Variants in CTDSP2 observed in about 807,000 individuals in gnomAD.
CTDSP2 encodes the protein CTD small phosphatase 2, also known as carboxy-terminal domain RNA polymerase II polypeptide A small phosphatase 2.
In CTDSP2, 9 loss-of-function variants were observed where a neutral mutation model predicts 31.6. That is an observed-to-expected ratio of 0.28 (90% CI 0.17 to 0.50). CTDSP2 has a LOEUF of 0.50. Among genes scored for constraint, CTDSP2 ranks in the 20% least tolerant of loss-of-function variants. CTDSP2 has a pLI of 0.98. For missense variants in CTDSP2, 267 were observed against 348.5 expected (o/e 0.77, Z 1.86); for synonymous variants, 134 against 134.5 (o/e 1.00, Z 0.03).
Position 57,823,738 on chromosome 12 carries a change from G to T in CTDSP2, c.691-11C>A. 3.1e-6 allele frequency: 5 copies of T among 1,613,678 alleles called. No individual in the cohort carries two copies. Among genetic ancestry groups the T allele is most frequent in the Non-Finnish European group, 4.2e-6 (5 of 1,179,982 alleles). On this transcript the variant is annotated splice_polypyrimidine_tract_variant and intron_variant, in intron 7 of 7. Transcript: ENST00000398073. Reference sequence around the variant, plus strand: ...GGACTGCACAGGCACCTGGTGGGGGGAAGATGTGGTGTCAATCTCCCGACT... The same window carrying T: ...GGACTGCACAGGCACCTGGTGGGGGTAAGATGTGGTGTCAATCTCCCGACT...
intron 1 of CTDSP2, among the ~76,000 whole-genome samples, chr12:57,844,558 C>T (rs1016370008): frequency 6.6e-6 from 1 of 151,890 alleles, no homozygotes; most frequent in Admixed American, 6.6e-5. Context: ...CTCTTGAATC[C>T]CCCCACATCT....
chr12:57,830,884 G>A (rs1411048839), intron 1 of CTDSP2, among the ~76,000 whole-genome samples: 1 of 151,778 alleles, frequency 6.6e-6, no homozygotes, highest in Non-Finnish European at 1.5e-5. Flanking sequence ...GAGTAGCTGG[G>A]GTTACAGCCA....
intron 1 of CTDSP2, among the ~76,000 whole-genome samples, chr12:57,845,776 G>C (rs1449096132): frequency 6.6e-6 from 1 of 152,052 alleles, no homozygotes; most frequent in African/African-American, 2.4e-5. Context: ...GCGCTGAGCC[G>C]GGAACCCGCC....
chr12:57,824,828 C>T (rs1956172999), intron 5 of CTDSP2: 2 of 370,076 alleles, frequency 5.4e-6, no homozygotes, highest in Admixed American at 3.2e-5. Context: ...CCGAGTCTTG[C>T]TCTGCACCCG....
intron 1 of CTDSP2, among the ~76,000 whole-genome samples, chr12:57,830,167 C>T (rs1956206182): frequency 1.3e-5 from 2 of 152,116 alleles, no homozygotes; most frequent in African/African-American, 4.8e-5. Flanking sequence ...GGGTGGAGCA[C>T]GAGGTCAGAA....
rs575569814 is a variant in CTDSP2 at position 57,826,823 on chromosome 12, T to C, written c.354+173A>G. On this transcript the variant is annotated intron_variant, in intron 4 of 7. Transcript: ENST00000398073. Reference sequence around the variant, plus strand: ...CACACAGGGTTCCTACTCAACATTCTTCAGTGGGGCCTCTAGATACCTGTG... The same window carrying C: ...CACACAGGGTTCCTACTCAACATTCCTCAGTGGGGCCTCTAGATACCTGTG... Among the ~76,000 whole-genome samples the C allele has an allele frequency of 2.0e-5, 3 of 152,272 alleles. No individual in the cohort carries two copies. In the East Asian group the frequency reaches 5.8e-4, roughly 29 times the overall value.
At chr12:57,834,564 A>C (rs1565847212) in intron 1 of CTDSP2, among the ~76,000 whole-genome samples, 2 of 152,206 alleles carry the variant, frequency 1.3e-5, no homozygotes, top group Non-Finnish European at 2.9e-5. Context: ...TGGAGCCAGG[A>C]GCTTTGGTCC....
At chr12:57,845,481 G>A (rs1245257538) in intron 1 of CTDSP2, 2 of 152,254 alleles carry the variant, frequency 1.3e-5, no homozygotes, top group East Asian at 1.9e-4. Context: ...TCCACCTGAC[G>A]CTCTGGAAGG....
intron 1 of CTDSP2, among the ~76,000 whole-genome samples, chr12:57,839,702 C>T (rs1030064295): frequency 1.7e-4 from 26 of 151,938 alleles, no homozygotes; most frequent in East Asian, 5.8e-4. Flanking sequence ...CCAGCCTGGG[C>T]GACAGAGCAA....
At chr12:57,835,325 T>C in intron 1 of CTDSP2, among the ~76,000 whole-genome samples, 1 of 147,294 alleles carries the variant, frequency 6.8e-6, no homozygotes, top group Non-Finnish European at 1.5e-5. Context: ...CGAAAATCCG[T>C]CTCAAAAAAA....
At chr12:57,834,206 CA>C (rs962779482) in intron 1 of CTDSP2, among the ~76,000 whole-genome samples, 26 of 152,070 alleles carry the variant, frequency 1.7e-4, no homozygotes, top group African/African-American at 6.3e-4. Flanking sequence ...TTCTGTTGCC[CA>C]AGCTGAAGTG....
chr12:57,824,388 A>C, intron 5 of CTDSP2, 69 bp from the exon 6 acceptor site: 1 of 1,139,444 alleles, frequency 8.8e-7, no homozygotes, highest in Non-Finnish European at 1.3e-6. Context: ...GGGTACCTTC[A>C]CCAGTTACAC....
intron 1 of CTDSP2, among the ~76,000 whole-genome samples, chr12:57,832,531 C>A (rs1009430939): frequency 6.6e-6 from 1 of 152,042 alleles, no homozygotes; most frequent in Non-Finnish European, 1.5e-5. Flanking sequence ...GTGGCTCACA[C>A]CTGATATCCC....
chr12:57,829,354 A>C, intron 2 of CTDSP2, 94 bp downstream of exon 2: 2 of 1,442,414 alleles, frequency 1.4e-6, no homozygotes, highest in Non-Finnish European at 1.9e-6. Context: ...TTGCAACTTC[A>C]GGCAAAGCTT....
chr12:57,835,864 C>G (rs1338756455), intron 1 of CTDSP2, among the ~76,000 whole-genome samples: 1 of 152,340 alleles, frequency 6.6e-6, no homozygotes, highest in East Asian at 1.9e-4. Context: ...CTGCCAGTTA[C>G]TGACTCAGCC....
In CTDSP2 at chr12:57,820,166, CATG is replaced by C. The variant is rs1595182236; in HGVS notation, c.*3433_*3435del. 4 of 152,548 alleles carry C rather than the reference CATG, an allele frequency of 2.6e-5. No homozygotes were observed. In the East Asian group the frequency reaches 5.8e-4, roughly 22 times the overall value. The allele number at this position is 152,548 out of a possible 1,614,324, so 9.4% of individuals were successfully genotyped here. A position where few individuals can be genotyped will look rare whatever the true frequency, so the allele number is the denominator to read the frequency against. On this transcript the variant is annotated 3_prime_UTR_variant, in exon 8 of 8. Coordinates refer to ENST00000398073, the MANE Select transcript of CTDSP2 (RefSeq NM_005730.4). ...AGGGGGAAAGCGGCACGAAATGGAA[CATG>C]ATAAGCAAAAAAGCTCACGAGGCCC...
chr12:57,830,071 G>A (rs746403240), intron 1 of CTDSP2, among the ~76,000 whole-genome samples: 5 of 152,144 alleles, frequency 3.3e-5, no homozygotes, highest in Admixed American at 6.5e-5. Flanking sequence ...GAGGCAGAAC[G>A]GAGCCCAATT....
At chr12:57,839,689 A>G (rs1592242855) in intron 1 of CTDSP2, among the ~76,000 whole-genome samples, 1 of 151,968 alleles carries the variant, frequency 6.6e-6, no homozygotes, top group Admixed American at 6.6e-5. Flanking sequence ...GCGCCACTGC[A>G]CTCCAGCCTG....
chr12:57,824,140 A>G, intron 6 of CTDSP2, 51 bp from the exon 7 acceptor site: 2 of 1,611,118 alleles, frequency 1.2e-6, no homozygotes, highest in Non-Finnish European at 1.7e-6. Context: ...GTCCTCCTGT[A>G]TAACCCTAGG....
Sources: gnomAD v4.1 joint callset for allele counts (sites outside exome capture counted in the v4.1 genomes callset) on GRCh38, gnomAD v4.1.1 for gene constraint, MANE v1.5 for transcripts, NCBI Gene and HGNC (gene_info 2026-07-23, HGNC 2026-07-21) for gene names.